WASHC4: variants seen among roughly 807,000 people sequenced by gnomAD.
The protein encoded by WASHC4 is WASH complex subunit 4, also known as WASH complex subunit 7.
A neutral mutation model predicts 166.6 loss-of-function variants in WASHC4; 86 were observed. The observed-to-expected ratio is 0.52, with a 90% confidence interval of 0.43 to 0.62. WASHC4 has a LOEUF of 0.62. Among genes scored for constraint, WASHC4 ranks in the 20% least tolerant of loss-of-function variants. The pLI is 0.00. For missense variants in WASHC4, 1,262 were observed against 1,382.4 expected, an observed-to-expected ratio of 0.91 and a Z score of 1.38; for synonymous variants, 446 against 451.6, an observed-to-expected ratio of 0.99 and a Z score of 0.16.
intron 24 of WASHC4, chr12:105,148,493 T>G: frequency 1.0e-6 from 1 of 985,280 alleles, no homozygotes; most frequent in East Asian, 1.1e-4. Flanking sequence ...GAATGTAGAT[T>G]ACTGATGTCT....
intron 25 of WASHC4, among the ~76,000 whole-genome samples, chr12:105,151,798 G>A (rs1883795941): frequency 6.6e-6 from 1 of 152,116 alleles, no homozygotes; most frequent in Non-Finnish European, 1.5e-5. Flanking sequence ...TTTTATTGGA[G>A]CAGAAATTCC....
Position 105,146,510 on chromosome 12 carries a change from A to G in WASHC4, c.2393A>G (p.Tyr798Cys), listed in dbSNP as rs778517258. ...CATATATTTGTGTCCCGATACCTCTATAATCTCAACAATCAGGTGAGTAGG... is the reference window on the plus strand; with the variant it reads ...CATATATTTGTGTCCCGATACCTCTGTAATCTCAACAATCAGGTGAGTAGG... ...NIHIFVSRYL[Y>C]NLNNQIFIER... Residue 798 changes from tyrosine to cysteine, a missense_variant, in exon 23 of 33, where the codon TAT (tyrosine) becomes TGT (cysteine). Tyr to Cys is a radical substitution (Grantham distance 194). Transcript: ENST00000332180. The G allele has an allele frequency of 3.7e-6, 6 of 1,600,374 alleles. No individual in the cohort carries two copies. Among genetic ancestry groups the G allele is most frequent in the Admixed American group, 1.7e-5 (1 of 59,916 alleles).
At chr12:105,127,383 T>C (rs778978368) in intron 13 of WASHC4, 94 bp downstream of exon 13, 9 of 944,722 alleles carry the variant, frequency 9.5e-6, no homozygotes, top group Non-Finnish European at 1.3e-5. Context: ...ATTTGAATTA[T>C]AAGATTAAAT....
At chr12:105,129,505 A>T (rs1881606641) in intron 13 of WASHC4, among the ~76,000 whole-genome samples, 1 of 152,214 alleles carries the variant, frequency 6.6e-6, no homozygotes, top group Admixed American at 6.5e-5. Context: ...TTCATAACCC[A>T]GGTATATTCC....
chr12:105,163,985 C>T (rs112868084), intron 30 of WASHC4, 126 bp from the exon 31 acceptor site: 111 of 847,852 alleles, frequency 1.3e-4, no homozygotes, highest in Middle Eastern at 9.2e-4. Flanking sequence ...TAACTTGAAA[C>T]GGGACAAACT....
intron 28 of WASHC4, 65 bp downstream of exon 28, chr12:105,157,387 G>A (rs925380964): frequency 5.7e-6 from 5 of 883,932 alleles, no homozygotes; most frequent in Non-Finnish European, 9.2e-6. Context: ...GAAGACCAGA[G>A]GGTAATATGT....
rs576445062 is a variant in WASHC4, at chr12:105,107,748, C to T, written c.-53C>T. On this transcript the variant is annotated 5_prime_UTR_variant, in exon 1 of 33. Coordinates refer to ENST00000332180, the MANE Select transcript of WASHC4 (RefSeq NM_015275.3). ...GCTGTGACAGTAGCTGGGGTGAGGC[C>T]GTCGTCGCCGCACGGGCTGGTTGGG... The T allele has an allele frequency of 4.4e-6, 6 of 1,350,428 alleles. No homozygotes were observed. Among genetic ancestry groups the T allele is most frequent in the African/African-American group, 4.4e-5 (3 of 68,592 alleles). 83.7% of individuals were successfully genotyped at this position (1,350,428 alleles called of 1,614,324 possible). A position where few individuals can be genotyped will look rare whatever the true frequency, so the allele number is the denominator to read the frequency against.
At chr12:105,145,988 C>T (rs1465552571) in intron 22 of WASHC4, among the ~76,000 whole-genome samples, 1 of 151,958 alleles carries the variant, frequency 6.6e-6, no homozygotes, top group African/African-American at 2.4e-5. Flanking sequence ...TTTTTTGTCA[C>T]CTGTGGAATT....
chr12:105,162,958 TTTTC>T, intron 30 of WASHC4, 113 bp downstream of exon 30: 1 of 642,866 alleles, frequency 1.6e-6, no homozygotes, highest in Admixed American at 3.0e-5. Context: ...TTTCTTTCTT[TTTTC>T]TTTTTTATTT....
chr12:105,128,102 G>A (rs562756030), intron 13 of WASHC4, among the ~76,000 whole-genome samples: 2 of 152,254 alleles, frequency 1.3e-5, no homozygotes, highest in East Asian at 1.9e-4. Context: ...AAGATGTAAT[G>A]GGGATACTTA....
rs1881261090 is a variant in WASHC4 at position 105,126,129 on chromosome 12, T to G, written c.910+2T>G. Reference sequence around the variant, plus strand: ...TTGCAAATGTAGAAGCCAAACTTGGTAATGTAAATCGCATTTTTTGGTTTT... The same window carrying G: ...TTGCAAATGTAGAAGCCAAACTTGGGAATGTAAATCGCATTTTTTGGTTTT... On this transcript the variant is annotated splice_donor_variant, in intron 11 of 32. Coordinates refer to ENST00000332180, the MANE Select transcript of WASHC4 (RefSeq NM_015275.3). LOFTEE classifies it high-confidence loss of function. The G allele has an allele frequency of 6.2e-7, 1 of 1,612,872 alleles. No individual in the cohort carries two copies. Among genetic ancestry groups the G allele is most frequent in the Non-Finnish European group, 8.5e-7 (1 of 1,179,310 alleles).
chr12:105,153,441 G>T (rs1329340949), intron 26 of WASHC4, among the ~76,000 whole-genome samples: 1 of 152,144 alleles, frequency 6.6e-6, no homozygotes, highest in Non-Finnish European at 1.5e-5. Context: ...GAACTTGGAG[G>T]ATTTTACCTT....
intron 20 of WASHC4, 127 bp from the exon 21 acceptor site, chr12:105,144,138 AAGGTATTGGTGAAAATAAAGAC>A: frequency 1.6e-6 from 1 of 630,442 alleles, no homozygotes; most frequent in Non-Finnish European, 2.8e-6. Context: ...TATTAACCTT[AAGGTATTGGTGAAAATAAAGAC>A]TTAGAATTTA....
At chr12:105,121,846 A>G (rs1379116850) in intron 9 of WASHC4, among the ~76,000 whole-genome samples, 1 of 152,060 alleles carries the variant, frequency 6.6e-6, no homozygotes. Flanking sequence ...ATTTTATTGT[A>G]TACCCTGAAT....
intron 28 of WASHC4, among the ~76,000 whole-genome samples, chr12:105,157,792 T>C (rs11112394): frequency 0.097 from 14,725 of 152,286 alleles, 791 homozygotes; most frequent in East Asian, 0.23. Flanking sequence ...ACTTAAAATA[T>C]GGCAAATGCG....
At chr12:105,151,376 G>A (rs1350398806) in intron 25 of WASHC4, among the ~76,000 whole-genome samples, 2 of 151,980 alleles carry the variant, frequency 1.3e-5, no homozygotes, top group African/African-American at 2.4e-5. Flanking sequence ...CAGTTCTCTT[G>A]TATAATGGTT....
chr12:105,147,513 A>T (rs1012607481), intron 24 of WASHC4: 1 of 691,386 alleles, frequency 1.4e-6, no homozygotes, highest in African/African-American at 1.9e-5. Context: ...ATAGTAATTT[A>T]CTTAATGTTA....
At chr12:105,140,788 T>C in intron 16 of WASHC4, 111 bp from the exon 17 acceptor site, 1 of 1,068,266 alleles carries the variant, frequency 9.4e-7, no homozygotes, top group South Asian at 1.3e-5. Context: ...GGGGAAAGTA[T>C]TTGTGTATGC....
At position 105,143,145 on chromosome 12, in the gene WASHC4, C is replaced by T. The variant is rs765715311; in HGVS notation, c.1912C>T (p.Arg638Cys). 54 of 1,608,266 alleles carry T rather than the reference C, an allele frequency of 3.4e-5. No individual in the cohort carries two copies. Among genetic ancestry groups the T allele is most frequent in the Admixed American group, 3.0e-4 (18 of 59,846 alleles). Residue 638 changes from arginine to cysteine, a missense_variant, in exon 20 of 33, where the codon CGC becomes TGC. Arg to Cys is a radical substitution (Grantham distance 180). Coordinates refer to ENST00000332180, the MANE Select transcript of WASHC4 (RefSeq NM_015275.3). Reference protein sequence around the residue: ...ARLHYMFSALRDCVPAMMHAR... With the variant: ...ARLHYMFSALCDCVPAMMHAR... Reference sequence around the variant, plus strand: ...TTCTTAGTACATGTTCAGTGCTTTGCGCGACTGTGTACCTGCTATGATGCA... The same window carrying T: ...TTCTTAGTACATGTTCAGTGCTTTGTGCGACTGTGTACCTGCTATGATGCA...
Sources: allele counts gnomAD v4.1 joint callset (sites outside exome capture counted in the v4.1 genomes callset), GRCh38; gene constraint gnomAD v4.1.1; transcripts MANE v1.5; gene names NCBI Gene and HGNC (gene_info 2026-07-23, HGNC 2026-07-21).